RABGAP1L: variants seen among roughly 807,000 people sequenced by gnomAD.
RABGAP1L encodes RAB GTPase activating protein 1 like.
A neutral mutation model predicts 137.7 loss-of-function variants in RABGAP1L; 63 were observed. The ratio of observed to expected loss-of-function variants is 0.46; its 90% CI spans 0.37 to 0.56. The LOEUF is 0.56. RABGAP1L is among the 20% of genes least tolerant of loss of function. The probability of loss-of-function intolerance (pLI) is 0.00; values close to 1 mark genes in which losing one functional copy is unlikely to be tolerated. For synonymous variants in RABGAP1L, 431 were observed against 433.7 expected, an observed-to-expected ratio of 0.99 and a Z score of 0.08; for missense variants, 1,095 against 1,244.0, an observed-to-expected ratio of 0.88 and a Z score of 1.80.
In RABGAP1L at chr1:174,233,534, C is replaced by T. The variant is rs866367703; in HGVS notation, c.542+2179C>T. ...TGCGGTGTTTGGTTTTTTGTTCTTG[C>T]GATAGTTTACTGAGAATGATGATTT... On this transcript the variant is annotated intron_variant, in intron 4 of 25. Transcript: ENST00000681986. Among the ~76,000 whole-genome samples, 243 of 141,948 alleles carry T rather than the reference C, an allele frequency of 1.7e-3. 3 individuals carry two copies. The highest frequency in any genetic ancestry group is 3.4e-3 in the Middle Eastern group (1 of 292). The allele number at this position is 141,948 out of a possible 152,430, so 93.1% of individuals were successfully genotyped here.
At chr1:174,211,480 C>T (rs1475276761) in intron 1 of RABGAP1L, among the ~76,000 whole-genome samples, 1 of 152,026 alleles carries the variant, frequency 6.6e-6, no homozygotes, top group Non-Finnish European at 1.5e-5. Flanking sequence ...AATCTAAAAA[C>T]ATACAATAAG....
chr1:174,197,947 G>A (rs1466139469), intron 1 of RABGAP1L, among the ~76,000 whole-genome samples: 1 of 152,090 alleles, frequency 6.6e-6, no homozygotes, highest in African/African-American at 2.4e-5. Context: ...ACAGAAGATG[G>A]ACCCAATAAT....
chr1:174,705,426 G>A (rs1398521200), intron 17 of RABGAP1L: 1 of 152,122 alleles, frequency 6.6e-6, no homozygotes, highest in Non-Finnish European at 1.5e-5. Flanking sequence ...CTTGTCAACT[G>A]TGACTTACAA....
chr1:174,756,929 C>A, intron 18 of RABGAP1L: 1 of 804,342 alleles, frequency 1.2e-6, no homozygotes, highest in South Asian at 1.3e-5. Flanking sequence ...ACCAGTGTCC[C>A]TCAGCCATTC....
intron 13 of RABGAP1L, among the ~76,000 whole-genome samples, chr1:174,411,261 C>T (rs1003747034): frequency 6.6e-6 from 1 of 152,024 alleles, no homozygotes; most frequent in Non-Finnish European, 1.5e-5. Flanking sequence ...GTAGGACTTC[C>T]ATTACTATGT....
intron 13 of RABGAP1L, among the ~76,000 whole-genome samples, chr1:174,521,406 G>A (rs1027976450): frequency 6.6e-6 from 1 of 152,072 alleles, no homozygotes; most frequent in Non-Finnish European, 1.5e-5. Context: ...AACTAGTTTT[G>A]GAAAGGTACA....
At chr1:174,424,535 A>G (rs1306202159) in intron 13 of RABGAP1L, among the ~76,000 whole-genome samples, 1 of 152,040 alleles carries the variant, frequency 6.6e-6, no homozygotes, top group Non-Finnish European at 1.5e-5. Flanking sequence ...AACAACAACC[A>G]TGTTTTAAAA....
At chr1:174,163,301 G>T (rs1016329201) in intron 1 of RABGAP1L, among the ~76,000 whole-genome samples, 1 of 152,182 alleles carries the variant, frequency 6.6e-6, no homozygotes, top group Admixed American at 6.5e-5. Flanking sequence ...AAGAGTTAAT[G>T]AATTAAGAAG....
chr1:174,894,495 T>C (rs1573708021), intron 19 of RABGAP1L, among the ~76,000 whole-genome samples: 1 of 152,278 alleles, frequency 6.6e-6, no homozygotes, highest in Middle Eastern at 3.4e-3. Flanking sequence ...CCTTTTGTAG[T>C]GTTGGGAAGG....
chr1:174,198,755 C>T (rs1667880777), intron 1 of RABGAP1L, among the ~76,000 whole-genome samples: 1 of 152,098 alleles, frequency 6.6e-6, no homozygotes, highest in African/African-American at 2.4e-5. Context: ...GTGAGTGAGT[C>T]CAACAACTAG....
chr1:174,877,165 CTT>C (rs1653260334), intron 19 of RABGAP1L, among the ~76,000 whole-genome samples: 1 of 151,890 alleles, frequency 6.6e-6, no homozygotes, highest in Non-Finnish European at 1.5e-5. Flanking sequence ...AGTTAGGAAA[CTT>C]TATTTCTTTT....
chr1:174,853,121 C>G (rs1232736100), intron 19 of RABGAP1L, among the ~76,000 whole-genome samples: 1 of 151,382 alleles, frequency 6.6e-6, no homozygotes, highest in African/African-American at 2.4e-5. Context: ...ATGCTCTGTG[C>G]CAAAACACAT....
At chr1:174,764,226 AGTT>A (rs1199879882) in intron 18 of RABGAP1L, among the ~76,000 whole-genome samples, 4 of 152,192 alleles carry the variant, frequency 2.6e-5, no homozygotes, top group African/African-American at 9.7e-5. Context: ...TAAACATTTC[AGTT>A]GTTTCCATTT....
At chr1:174,666,155 T>C (rs1306610618) in intron 14 of RABGAP1L, among the ~76,000 whole-genome samples, 1 of 152,210 alleles carries the variant, frequency 6.6e-6, no homozygotes, top group Non-Finnish European at 1.5e-5. Flanking sequence ...AATAAATTTA[T>C]TCCACATATT....
At chr1:174,713,435 G>T (rs1680746455) in intron 17 of RABGAP1L, among the ~76,000 whole-genome samples, 1 of 152,180 alleles carries the variant, frequency 6.6e-6, no homozygotes, top group South Asian at 2.1e-4. Flanking sequence ...CTTGTGGGAG[G>T]TATTGGATGA....
At chr1:174,757,101 G>C in intron 18 of RABGAP1L, 1 of 492,358 alleles carries the variant, frequency 2.0e-6, no homozygotes, top group Non-Finnish European at 4.2e-6. Context: ...AAGTCTCGGT[G>C]CTTTTGGGAG....
chr1:174,567,693 T>C (rs567376231), intron 13 of RABGAP1L, among the ~76,000 whole-genome samples: 2 of 152,344 alleles, frequency 1.3e-5, no homozygotes, highest in African/African-American at 4.8e-5. Context: ...GCTATCATTG[T>C]TATTAGTTGA....
chr1:174,578,711 A>T (rs1267598590), intron 13 of RABGAP1L, among the ~76,000 whole-genome samples: 1 of 152,204 alleles, frequency 6.6e-6, no homozygotes, highest in Non-Finnish European at 1.5e-5. Context: ...ATGGAAATAC[A>T]TATATAGGTG....
chr1:174,397,786 G>A (rs1648058783), intron 13 of RABGAP1L, among the ~76,000 whole-genome samples: 1 of 152,144 alleles, frequency 6.6e-6, no homozygotes. Flanking sequence ...TGCCAGCTTT[G>A]TTCAAGACTT....
Sources: gnomAD v4.1 joint callset for allele counts (sites outside exome capture counted in the v4.1 genomes callset) on GRCh38, gnomAD v4.1.1 for gene constraint, MANE v1.5 for transcripts, NCBI Gene and HGNC (gene_info 2026-07-23, HGNC 2026-07-21) for gene names.